The following CCSER1 variants were observed in gnomAD, a reference collection of about 807,000 sequenced individuals.
CCSER1 encodes coiled-coil serine rich protein 1.
CCSER1 carries 41 observed loss-of-function variants against 82.0 expected under a neutral mutation model. That is an observed-to-expected ratio of 0.50 (90% CI 0.39 to 0.65). The LOEUF (loss-of-function observed/expected upper bound fraction) is 0.65, where lower values mean the gene tolerates loss of function less well. Ranked by LOEUF, CCSER1 falls within the 30% of genes least tolerant of loss-of-function variation. The pLI is 0.00. For missense variants in CCSER1, 1,119 were observed against 1,064.2 expected, an observed-to-expected ratio of 1.05 and a Z score of -0.72; for synonymous variants, 414 against 383.9, an observed-to-expected ratio of 1.08 and a Z score of -0.92.
chr4:90,777,482 TTTGAAAACTGTGCTTTCATGAATAC>T, intron 7 of CCSER1, among the ~76,000 whole-genome samples: 1 of 152,136 alleles, frequency 6.6e-6, no homozygotes, highest in South Asian at 2.1e-4. Flanking sequence ...TCATGGATAA[TTTGAAAACTGTGCTTTCATGAATAC>T]TAGAAAACTG....
intron 10 of CCSER1, among the ~76,000 whole-genome samples, chr4:91,495,168 A>G (rs1382889114): frequency 6.6e-6 from 1 of 151,764 alleles, no homozygotes; most frequent in Non-Finnish European, 1.5e-5. Context: ...AATCAGATAC[A>G]TATAACACTA....
At chr4:91,399,867 A>G (rs1244721584) in intron 10 of CCSER1, among the ~76,000 whole-genome samples, 1 of 151,932 alleles carries the variant, frequency 6.6e-6, no homozygotes, top group Non-Finnish European at 1.5e-5. Context: ...TGATTCATTT[A>G]CCTTTCCTCT....
At chr4:90,659,424 G>A (rs532357038) in intron 6 of CCSER1, among the ~76,000 whole-genome samples, 4 of 151,966 alleles carry the variant, frequency 2.6e-5, no homozygotes, top group Non-Finnish European at 5.9e-5. Context: ...TAAATTTAGA[G>A]GATTTAATGA....
At chr4:90,331,320 C>T (rs1739234483) in intron 3 of CCSER1, among the ~76,000 whole-genome samples, 1 of 151,906 alleles carries the variant, frequency 6.6e-6, no homozygotes, top group African/African-American at 2.4e-5. Flanking sequence ...ACTTAATGTC[C>T]ACCTAATGGA....
At chr4:91,193,632 C>A (rs1209044063) in intron 10 of CCSER1, among the ~76,000 whole-genome samples, 1 of 152,164 alleles carries the variant, frequency 6.6e-6, no homozygotes, top group Non-Finnish European at 1.5e-5. Flanking sequence ...ATATAAAATA[C>A]AACACTTATT....
chr4:91,422,815 C>T (rs910650644), intron 10 of CCSER1, among the ~76,000 whole-genome samples: 1 of 152,112 alleles, frequency 6.6e-6, no homozygotes, highest in African/African-American at 2.4e-5. Context: ...CTTTTTAAAA[C>T]AGCAGGTATA....
At chr4:91,332,639 A>G (rs1369187244) in intron 10 of CCSER1, among the ~76,000 whole-genome samples, 2 of 152,034 alleles carry the variant, frequency 1.3e-5, no homozygotes, top group Non-Finnish European at 2.9e-5. Context: ...AAAAGGAGGT[A>G]GGAAATAAAA....
intron 8 of CCSER1, among the ~76,000 whole-genome samples, chr4:90,922,172 A>G (rs1310449341): frequency 6.6e-6 from 1 of 152,044 alleles, no homozygotes; most frequent in Non-Finnish European, 1.5e-5. Context: ...TCTTTTCTAT[A>G]TTTCAGTAAG....
At chr4:91,183,631 G>T (rs1734251114) in intron 10 of CCSER1, among the ~76,000 whole-genome samples, 1 of 152,008 alleles carries the variant, frequency 6.6e-6, no homozygotes, top group African/African-American at 2.4e-5. Context: ...TATAAATAAG[G>T]AGTTAGAGTC....
chr4:91,492,463 C>CA (rs1758599958), intron 10 of CCSER1, among the ~76,000 whole-genome samples: 1 of 152,056 alleles, frequency 6.6e-6, no homozygotes, highest in Admixed American at 6.6e-5. Flanking sequence ...TTCTTCAGGA[C>CA]AATTCCAGGT....
At chr4:90,783,283 T>A (rs1034514216) in intron 7 of CCSER1, among the ~76,000 whole-genome samples, 20 of 152,140 alleles carry the variant, frequency 1.3e-4, no homozygotes, top group South Asian at 4.1e-4. Context: ...CTTGGGCTCA[T>A]CAGATAAATT....
rs151229701 is a variant in CCSER1 at position 91,028,670 on chromosome 4, T to G, written c.2173-57280T>G. Among the ~76,000 whole-genome samples, 545 of 151,930 alleles carry G rather than the reference T, an allele frequency of 3.6e-3. 1 individual carries two copies. Among genetic ancestry groups the G allele is most frequent in the Admixed American group, 4.8e-3 (73 of 15,212 alleles). On this transcript the variant is annotated intron_variant, in intron 9 of 10. Coordinates refer to ENST00000509176, the MANE Select transcript of CCSER1 (RefSeq NM_001145065.2). ...TGAACAAAAGTAATCTACTTGTTTC[T>G]TTAGAGCTTGTTAACAGTTCCTTGA...
At chr4:91,104,075 A>T (rs944884653) in intron 10 of CCSER1, among the ~76,000 whole-genome samples, 1 of 152,004 alleles carries the variant, frequency 6.6e-6, no homozygotes, top group African/African-American at 2.4e-5. Flanking sequence ...CTCCTGCAGT[A>T]CCCTTAGGCT....
At chr4:91,350,310 A>G (rs112773990) in intron 10 of CCSER1, among the ~76,000 whole-genome samples, 3,006 of 152,288 alleles carry the variant, frequency 0.02, 88 homozygotes, top group African/African-American at 0.067. Flanking sequence ...TTTAAGGAAA[A>G]ATTAATTATA....
At chr4:91,049,844 CA>C (rs1190299433) in intron 9 of CCSER1, among the ~76,000 whole-genome samples, 1 of 152,128 alleles carries the variant, frequency 6.6e-6, no homozygotes, top group Non-Finnish European at 1.5e-5. Flanking sequence ...AAAGATTTTC[CA>C]ATTTTACATT....
chr4:90,367,565 GA>G (rs1342210031), intron 3 of CCSER1, among the ~76,000 whole-genome samples: 2 of 151,626 alleles, frequency 1.3e-5, no homozygotes, highest in South Asian at 4.2e-4. Flanking sequence ...AAAGAATTTA[GA>G]AATAAGGCCA....
At chr4:91,001,858 G>C (rs945460251) in intron 9 of CCSER1, among the ~76,000 whole-genome samples, 89 of 152,202 alleles carry the variant, frequency 5.8e-4, no homozygotes, top group African/African-American at 2.0e-3. Context: ...GGTATTGTGA[G>C]AATTATGGTT....
chr4:90,898,131 ACTTTT>A (rs906815967), intron 8 of CCSER1, among the ~76,000 whole-genome samples: 11 of 151,534 alleles, frequency 7.3e-5, no homozygotes, highest in African/African-American at 2.7e-4. Flanking sequence ...CCATTTGTCT[ACTTTT>A]CTTTTTGTTC....
intron 10 of CCSER1, among the ~76,000 whole-genome samples, chr4:91,258,965 G>C (rs534772171): frequency 6.6e-6 from 1 of 151,988 alleles, no homozygotes; most frequent in Non-Finnish European, 1.5e-5. Flanking sequence ...ACCTGAGAGC[G>C]ATTGCTCAAA....
Sources: allele counts gnomAD v4.1 joint callset (sites outside exome capture counted in the v4.1 genomes callset), GRCh38; gene constraint gnomAD v4.1.1; transcripts MANE v1.5; gene names NCBI Gene and HGNC (gene_info 2026-07-23, HGNC 2026-07-21).